The following FBRSL1 variants were observed in gnomAD, a reference collection of about 807,000 sequenced individuals.
The protein encoded by FBRSL1 is fibrosin like 1, also known as fibrosin-1-like protein.
A neutral mutation model predicts 89.6 loss-of-function variants in FBRSL1; 51 were observed. That is an observed-to-expected ratio of 0.57 (90% CI 0.45 to 0.72). The LOEUF (loss-of-function observed/expected upper bound fraction) is 0.72. Among genes scored for constraint, FBRSL1 ranks in the 30% least tolerant of loss-of-function variants. FBRSL1 has a pLI of 0.00. For missense variants in FBRSL1, 1,618 were observed against 1,451.8 expected, an observed-to-expected ratio of 1.11 and a Z score of -1.86; for synonymous variants, 779 against 681.1, an observed-to-expected ratio of 1.14 and a Z score of -2.24.
intron 14 of FBRSL1, among the ~76,000 whole-genome samples, chr12:132,576,013 C>A (rs2040359925): frequency 6.6e-6 from 1 of 152,194 alleles, no homozygotes; most frequent in Non-Finnish European, 1.5e-5. Flanking sequence ...CTGGCCCTGC[C>A]TCCCACAGCC....
intron 4 of FBRSL1, among the ~76,000 whole-genome samples, chr12:132,538,251 G>T (rs1045885561): frequency 6.6e-6 from 1 of 152,196 alleles, no homozygotes; most frequent in Non-Finnish European, 1.5e-5. Flanking sequence ...CGTTCTCGCC[G>T]ACGCAGGGCT....
intron 2 of FBRSL1, among the ~76,000 whole-genome samples, chr12:132,517,256 G>A (rs983379354): frequency 1.3e-5 from 2 of 152,206 alleles, no homozygotes; most frequent in African/African-American, 4.8e-5. Flanking sequence ...AGGGGAAGGG[G>A]CCACTCAGGA....
chr12:132,511,267 G>A, intron 2 of FBRSL1: 1 of 985,502 alleles, frequency 1.0e-6, no homozygotes, highest in Non-Finnish European at 1.2e-6. Flanking sequence ...TCCAGGCGAG[G>A]GGGACCCCAC....
intron 5 of FBRSL1, among the ~76,000 whole-genome samples, chr12:132,550,321 G>C (rs919582118): frequency 1.3e-5 from 2 of 151,054 alleles, no homozygotes. Flanking sequence ...CTGGCGGGGC[G>C]GGGACGGAGA....
chr12:132,542,931 T>C (rs748338406), intron 4 of FBRSL1, among the ~76,000 whole-genome samples: 11 of 152,232 alleles, frequency 7.2e-5, no homozygotes, highest in Non-Finnish European at 1.5e-4. Flanking sequence ...TGTCTCCCCA[T>C]GTGTGGGGCT....
intron 4 of FBRSL1, among the ~76,000 whole-genome samples, chr12:132,535,084 T>C (rs1177490146): frequency 6.6e-6 from 1 of 152,220 alleles, no homozygotes; most frequent in Non-Finnish European, 1.5e-5. Flanking sequence ...CCCATCAAGC[T>C]GAAATCCAAT....
rs1403587105 is a variant in FBRSL1, at chr12:132,503,989, CT to C, written c.292-4162del. Among the ~76,000 whole-genome samples the C allele has an allele frequency of 2.0e-5, 3 of 152,136 alleles. 1 individual carries two copies. Among genetic ancestry groups the C allele is most frequent in the Non-Finnish European group, 4.4e-5 (3 of 68,006 alleles). ...AGCCCCCTGCCCCCATGGAGAGCAG[CT>C]TCTGACCCATCTGAGAAGATCCCTG... On this transcript the variant is annotated intron_variant, in intron 1 of 18. Coordinates refer to ENST00000680143, the MANE Select transcript of FBRSL1 (RefSeq NM_001367871.1).
chr12:132,520,121 AC>A (rs1189671947), intron 2 of FBRSL1, among the ~76,000 whole-genome samples: 2 of 134,072 alleles, frequency 1.5e-5, no homozygotes, highest in African/African-American at 2.9e-5. Context: ...CACCTCCAGC[AC>A]CCCCTCCTTG....
At chr12:132,540,622 ACT>A (rs2037178741) in intron 4 of FBRSL1, among the ~76,000 whole-genome samples, 1 of 151,650 alleles carries the variant, frequency 6.6e-6, no homozygotes, top group Non-Finnish European at 1.5e-5. Context: ...CCCACCACAC[ACT>A]GTCACTGCCA....
At chr12:132,511,039 A>G (rs2034278865) in intron 2 of FBRSL1, 7 of 986,122 alleles carry the variant, frequency 7.1e-6, no homozygotes, top group Non-Finnish European at 8.4e-6. Context: ...AGAGTGGCCC[A>G]GTGGCGAATG....
rs370402764 is a variant in FBRSL1, at chr12:132,504,311, G to A, written c.292-3842G>A. On this transcript the variant is annotated intron_variant, in intron 1 of 18. Transcript: ENST00000680143. The stretch of plus-strand genomic sequence containing the variant: ...CTCTCCGTGTCTGGTTCACTGTAGC[G>A]TGATTAGGAATGTTATTGGTGCTGT... 1.1e-4 allele frequency among the ~76,000 whole-genome samples: 17 copies of A among 152,350 alleles called. No homozygotes were observed. In the South Asian group the frequency reaches 1.4e-3, roughly 13 times the overall value.
intron 5 of FBRSL1, among the ~76,000 whole-genome samples, chr12:132,564,265 ACAG>A (rs1190981696): frequency 1.3e-5 from 2 of 152,136 alleles, no homozygotes; most frequent in Non-Finnish European, 1.5e-5. Context: ...TCTGCCCTGA[ACAG>A]CAGCCCAGCT....
intron 5 of FBRSL1, among the ~76,000 whole-genome samples, chr12:132,560,486 G>A (rs1408628929): frequency 6.6e-6 from 1 of 151,952 alleles, no homozygotes; most frequent in Non-Finnish European, 1.5e-5. Flanking sequence ...AGGCGGGGCC[G>A]AGCGTTGTGG....
intron 8 of FBRSL1, 49 bp downstream of exon 8, chr12:132,570,589 G>A (rs1038469006): frequency 1.1e-5 from 15 of 1,413,766 alleles, no homozygotes; most frequent in Middle Eastern, 2.5e-4. Context: ...TGGGGGGTGC[G>A]GGGACACGGC....
chr12:132,490,891 T>C, intron 1 of FBRSL1, 30 bp downstream of exon 1: 1 of 1,072,358 alleles, frequency 9.3e-7, no homozygotes, highest in Non-Finnish European at 1.2e-6. Context: ...TTCGCAGGCG[T>C]TGAGGCGAGA....
chr12:132,531,389 GTA>G (rs1013102511), intron 4 of FBRSL1, among the ~76,000 whole-genome samples: 1 of 152,070 alleles, frequency 6.6e-6, no homozygotes, highest in African/African-American at 2.4e-5. Context: ...GTGCATGTGT[GTA>G]TGTGTGTGTG....
intron 18 of FBRSL1, among the ~76,000 whole-genome samples, chr12:132,582,712 G>C (rs1045894557): frequency 5.3e-5 from 8 of 152,132 alleles, no homozygotes; most frequent in African/African-American, 1.2e-4. Context: ...TGTCCTAACA[G>C]GGAGGGGCCC....
intron 4 of FBRSL1, among the ~76,000 whole-genome samples, chr12:132,531,809 C>G (rs934137213): frequency 6.6e-6 from 1 of 152,230 alleles, no homozygotes; most frequent in African/African-American, 2.4e-5. Flanking sequence ...TGCTGAGTGG[C>G]ACAGGCATTC....
chr12:132,568,703 G>A (rs2137829887), intron 6 of FBRSL1, among the ~76,000 whole-genome samples: 1 of 152,360 alleles, frequency 6.6e-6, no homozygotes, highest in Admixed American at 6.5e-5. Flanking sequence ...ATGTGGGAGA[G>A]AGGAGGAGAG....
Sources: allele counts gnomAD v4.1 joint callset (sites outside exome capture counted in the v4.1 genomes callset), GRCh38; gene constraint gnomAD v4.1.1; transcripts MANE v1.5; gene names NCBI Gene and HGNC (gene_info 2026-07-23, HGNC 2026-07-21).